Variants in PPM1B observed in about 807,000 individuals in gnomAD.
The protein encoded by PPM1B is protein phosphatase 1B.
PPM1B carries 22 observed loss-of-function variants against 43.0 expected under a neutral mutation model. That is an observed-to-expected ratio of 0.51 (90% CI 0.37 to 0.73). The LOEUF is 0.73. Ranked by LOEUF, PPM1B falls within the 30% of genes least tolerant of loss-of-function variation. The pLI is 0.00. For missense variants in PPM1B, 632 were observed against 584.2 expected, an observed-to-expected ratio of 1.08 and a Z score of -0.84; for synonymous variants, 217 against 197.9, an observed-to-expected ratio of 1.10 and a Z score of -0.81.
In PPM1B at chr2:44,209,208, A is replaced by G; in HGVS notation, c.847-2A>G. 6.3e-7 allele frequency: 1 copy of G among 1,578,972 alleles called. No homozygotes were observed. Among genetic ancestry groups the G allele is most frequent in the Non-Finnish European group, 8.6e-7 (1 of 1,164,680 alleles). ...TTTTTCTTTTTTTTCTTTAATACAC[A>G]GGGAAGTCGAGATAACATGAGTATT... On this transcript the variant is annotated splice_acceptor_variant, in intron 2 of 5. Coordinates refer to ENST00000282412, the MANE Select transcript of PPM1B (RefSeq NM_002706.6). LOFTEE classifies it high-confidence loss of function.
At chr2:44,229,797 A>G (rs1057284687) in intron 5 of PPM1B, among the ~76,000 whole-genome samples, 1 of 152,202 alleles carries the variant, frequency 6.6e-6, no homozygotes, top group Non-Finnish European at 1.5e-5. Context: ...AGATTTTCCA[A>G]AATTCACTAA....
At chr2:44,197,553 G>A (rs1014292230) in intron 1 of PPM1B, among the ~76,000 whole-genome samples, 3 of 152,174 alleles carry the variant, frequency 2.0e-5, no homozygotes, top group Non-Finnish European at 4.4e-5. Context: ...ATCTGTGTCA[G>A]TATCCAGTCA....
intron 1 of PPM1B, among the ~76,000 whole-genome samples, chr2:44,185,515 G>T (rs917050578): frequency 1.5e-4 from 23 of 152,048 alleles, no homozygotes; most frequent in African/African-American, 5.6e-4. Flanking sequence ...TATTTTTCTT[G>T]TTGAAAGGCT....
intron 1 of PPM1B, among the ~76,000 whole-genome samples, chr2:44,184,726 G>A (rs562584803): frequency 1.6e-4 from 25 of 152,088 alleles, no homozygotes; most frequent in African/African-American, 5.5e-4. Context: ...GGATTCTTAA[G>A]CTGGAGCCCA....
intron 1 of PPM1B, among the ~76,000 whole-genome samples, chr2:44,170,227 A>G (rs994890783): frequency 1.3e-5 from 2 of 152,182 alleles, no homozygotes; most frequent in African/African-American, 4.8e-5. Context: ...TCAATATTCA[A>G]TTTCTTCTAA....
downstream of PPM1B, chr2:44,232,426 G>A (rs1235042118): frequency 4.4e-6 from 7 of 1,579,574 alleles, no homozygotes; most frequent in African/African-American, 1.4e-5. Context: ...CAATACAAGG[G>A]GAAAATATTC....
chr2:44,173,746 T>G (rs1256899284), intron 1 of PPM1B, among the ~76,000 whole-genome samples: 1 of 152,122 alleles, frequency 6.6e-6, no homozygotes, highest in Non-Finnish European at 1.5e-5. Flanking sequence ...AGTTCGAGAC[T>G]AGCCTGGCCA....
At chr2:44,232,202 T>G, downstream of PPM1B, 1 of 1,447,092 alleles carries the variant, frequency 6.9e-7, no homozygotes, top group South Asian at 1.3e-5. Context: ...AGTACCCTTT[T>G]CAGACAAAGA....
At chr2:44,244,978 C>T (rs758204130), downstream of PPM1B, among the ~76,000 whole-genome samples, 6 of 151,568 alleles carry the variant, frequency 4.0e-5, no homozygotes, top group African/African-American at 7.3e-5. Context: ...TTTCCTATAG[C>T]GGTGTAACAG....
chr2:44,242,988 A>C (rs1419540471), intron 5 of PPM1B, among the ~76,000 whole-genome samples: 1 of 152,192 alleles, frequency 6.6e-6, no homozygotes, highest in Non-Finnish European at 1.5e-5. Flanking sequence ...ACTAAGACCA[A>C]AGGACATCTA....
At chr2:44,181,497 CAGGG>C (rs1333368044) in intron 1 of PPM1B, among the ~76,000 whole-genome samples, 1 of 152,112 alleles carries the variant, frequency 6.6e-6, no homozygotes, top group Non-Finnish European at 1.5e-5. Flanking sequence ...GGGTTGAAGT[CAGGG>C]AGATCCACTA....
At chr2:44,209,556 C>A in intron 3 of PPM1B, 1 of 398,756 alleles carries the variant, frequency 2.5e-6, no homozygotes, top group Non-Finnish European at 4.5e-6. Flanking sequence ...CTGAGGCGGG[C>A]AGATCATGAG....
At chr2:44,177,934 T>TA (rs1163054522) in intron 1 of PPM1B, among the ~76,000 whole-genome samples, 4 of 150,440 alleles carry the variant, frequency 2.7e-5, no homozygotes, top group African/African-American at 7.3e-5. Flanking sequence ...TTTTTTTTTT[T>TA]AATAAGACAG....
At chr2:44,220,780 G>C (rs1393917919) in intron 5 of PPM1B, among the ~76,000 whole-genome samples, 1 of 152,224 alleles carries the variant, frequency 6.6e-6, no homozygotes, top group Non-Finnish European at 1.5e-5. Context: ...TAAAAGTTCA[G>C]CTGCTTAAGC....
intron 4 of PPM1B, 108 bp from the exon 5 acceptor site, chr2:44,218,372 G>C: frequency 3.7e-6 from 3 of 812,328 alleles, no homozygotes; most frequent in Non-Finnish European, 6.0e-6. Flanking sequence ...GACAAGTATA[G>C]AGTGTACCAG....
intron 1 of PPM1B, among the ~76,000 whole-genome samples, chr2:44,196,232 C>T (rs1668656335): frequency 6.6e-6 from 1 of 152,214 alleles, no homozygotes; most frequent in African/African-American, 2.4e-5. Context: ...CCTTAGGCCC[C>T]TGTTGGCTGT....
chr2:44,210,151 A>G (rs1558416291), intron 3 of PPM1B, among the ~76,000 whole-genome samples: 1 of 151,934 alleles, frequency 6.6e-6, no homozygotes, highest in Non-Finnish European at 1.5e-5. Context: ...TTTTATTGAT[A>G]GAGTTAACAT....
intron 2 of PPM1B, among the ~76,000 whole-genome samples, chr2:44,208,952 A>G (rs1459762230): frequency 1.3e-5 from 2 of 152,216 alleles, no homozygotes; most frequent in Non-Finnish European, 2.9e-5. Flanking sequence ...AGATATCTTC[A>G]TTTCTCAGAC....
At chr2:44,226,971 T>TATTTATTA (rs756776044) in intron 5 of PPM1B, among the ~76,000 whole-genome samples, 1 of 142,548 alleles carries the variant, frequency 7.0e-6, no homozygotes, top group Admixed American at 6.9e-5. Context: ...TTTATTTATT[T>TATTTATTA]ATGAATGAAT....
Sources: gnomAD v4.1 joint callset for allele counts (sites outside exome capture counted in the v4.1 genomes callset) on GRCh38, gnomAD v4.1.1 for gene constraint, MANE v1.5 for transcripts, NCBI Gene and HGNC (gene_info 2026-07-23, HGNC 2026-07-21) for gene names.